The following NEBL variants were observed in gnomAD, a reference collection of about 807,000 sequenced individuals.
NEBL encodes LIM and SH3 protein 2.
NEBL carries 122 observed loss-of-function variants against 140.2 expected under a neutral mutation model. The observed-to-expected ratio is 0.87, with a 90% CI of 0.75 to 1.01. The LOEUF (loss-of-function observed/expected upper bound fraction) is 1.01, where lower values mean the gene tolerates loss of function less well. NEBL is among the 50% of genes least tolerant of loss of function. The probability of loss-of-function intolerance (pLI) is 0.00; values close to 1 mark genes in which losing one functional copy is unlikely to be tolerated. For missense variants in NEBL, 1,365 were observed against 1,231.3 expected (o/e 1.11, Z -1.62); for synonymous variants, 436 against 398.9 (o/e 1.09, Z -1.11).
intron 3 of NEBL, among the ~76,000 whole-genome samples, chr10:21,185,857 G>C (rs1315170055): frequency 6.6e-6 from 1 of 152,010 alleles, no homozygotes; most frequent in Non-Finnish European, 1.5e-5. Context: ...TAAAATTCTA[G>C]TAGTTTATGC....
chr10:20,990,909 T>C (rs1267484797), intron 3 of NEBL, among the ~76,000 whole-genome samples: 1 of 152,170 alleles, frequency 6.6e-6, no homozygotes, highest in Non-Finnish European at 1.5e-5. Flanking sequence ...CTCCACATCC[T>C]GCTTTTCTCC....
chr10:20,976,922 T>TA lies in NEBL; in HGVS notation c.250-15144dup, dbSNP rs373538681. ...TGCATATGTATTCCTGAATCTACAT[T>TA]AAAAAAAAAAAAAAAAAGTGCTTCA... On this transcript the variant is annotated intron_variant, in intron 3 of 6. Coordinates refer to the NEBL transcript ENST00000417816. Among the ~76,000 whole-genome samples the TA allele has an allele frequency of 7.8e-3, 1,007 of 129,764 alleles. 5 individuals carry two copies. The highest frequency in any genetic ancestry group is 0.02 in the Middle Eastern group (5 of 254). The allele number at this position is 129,764 out of a possible 152,430, so 85.1% of individuals were successfully genotyped here.
At chr10:21,079,837 GC>G (rs1836285832) in intron 2 of NEBL, among the ~76,000 whole-genome samples, 2 of 152,112 alleles carry the variant, frequency 1.3e-5, no homozygotes, top group Non-Finnish European at 2.9e-5. Context: ...TTTGTACTCT[GC>G]CCCACCACCC....
chr10:21,043,134 A>G (rs923998573), intron 2 of NEBL, among the ~76,000 whole-genome samples: 3 of 152,210 alleles, frequency 2.0e-5, no homozygotes, highest in Non-Finnish European at 2.9e-5. Context: ...CTCATATAGC[A>G]CATTTTGTAT....
chr10:21,141,342 T>A (rs934533466), intron 2 of NEBL, among the ~76,000 whole-genome samples: 1 of 152,152 alleles, frequency 6.6e-6, no homozygotes, highest in Non-Finnish European at 1.5e-5. Flanking sequence ...ACACAGTGCA[T>A]TATTTAGGGG....
At chr10:20,933,591 G>A (rs573629496) in intron 4 of NEBL, among the ~76,000 whole-genome samples, 8 of 152,186 alleles carry the variant, frequency 5.3e-5, no homozygotes, top group South Asian at 2.1e-4. Context: ...AAAATTAGCC[G>A]GGTGTGGTGG....
intron 2 of NEBL, among the ~76,000 whole-genome samples, chr10:21,104,192 C>T (rs1386368800): frequency 6.6e-6 from 1 of 152,176 alleles, no homozygotes; most frequent in African/African-American, 2.4e-5. Context: ...ACATCACATA[C>T]TATAAGTGTT....
intron 4 of NEBL, among the ~76,000 whole-genome samples, chr10:20,940,966 T>C (rs537476654): frequency 1.3e-4 from 20 of 152,128 alleles, no homozygotes; most frequent in Admixed American, 1.2e-3. Context: ...CCAAAAAAAG[T>C]CCAGGACCAG....
chr10:21,126,449 C>A (rs888796160), intron 2 of NEBL, among the ~76,000 whole-genome samples: 3 of 152,044 alleles, frequency 2.0e-5, no homozygotes, highest in Non-Finnish European at 2.9e-5. Context: ...CATTAGTTCA[C>A]CCAGTGTGTG....
intron 16 of NEBL, among the ~76,000 whole-genome samples, chr10:20,830,909 AT>A (rs1411929632): frequency 1.1e-4 from 12 of 110,076 alleles, no homozygotes; most frequent in Non-Finnish European, 2.1e-4. Context: ...CATCTCTAAA[AT>A]TTAAAAAAAA....
intron 22 of NEBL, 30 bp downstream of exon 22, chr10:20,815,595 T>C: frequency 6.7e-7 from 1 of 1,484,912 alleles, no homozygotes; most frequent in Non-Finnish European, 9.4e-7. Context: ...ACATCCTTTG[T>C]GATAGTCTAA....
intron 9 of NEBL, among the ~76,000 whole-genome samples, chr10:20,856,019 C>T (rs1411145912): frequency 1.3e-5 from 2 of 152,152 alleles, no homozygotes; most frequent in Non-Finnish European, 2.9e-5. Context: ...TTCTAATATA[C>T]AATAAAGTTG....
chr10:20,989,068 C>G (rs990325968), intron 3 of NEBL, among the ~76,000 whole-genome samples: 1 of 152,164 alleles, frequency 6.6e-6, no homozygotes, highest in African/African-American at 2.4e-5. Context: ...ACCATGATTA[C>G]TTTAAGAATT....
intron 3 of NEBL, among the ~76,000 whole-genome samples, chr10:20,984,357 C>G (rs1337552805): frequency 6.6e-6 from 1 of 152,070 alleles, no homozygotes; most frequent in Non-Finnish European, 1.5e-5. Context: ...AGGGACAAAA[C>G]TAAATAATCT....
At chr10:21,202,268 A>G (rs1241726046) in intron 3 of NEBL, among the ~76,000 whole-genome samples, 2 of 152,058 alleles carry the variant, frequency 1.3e-5, no homozygotes, top group Non-Finnish European at 1.5e-5. Flanking sequence ...TTTTTTAAGT[A>G]TTATATATGC....
intron 2 of NEBL, among the ~76,000 whole-genome samples, chr10:21,033,306 G>C (rs555784492): frequency 1.3e-5 from 2 of 152,148 alleles, no homozygotes; most frequent in African/African-American, 4.8e-5. Context: ...GATCACATTC[G>C]ATTCCTTTGA....
chr10:20,813,842 T>C, intron 23 of NEBL, 97 bp downstream of exon 23: 1 of 836,100 alleles, frequency 1.2e-6, no homozygotes, highest in South Asian at 1.4e-5. Context: ...ATTTCCATGC[T>C]TTGTTAGTTA....
chr10:20,905,543 G>T (rs1247096806), intron 4 of NEBL, among the ~76,000 whole-genome samples: 1 of 152,134 alleles, frequency 6.6e-6, no homozygotes, highest in East Asian at 1.9e-4. Flanking sequence ...CTGCCCCCAT[G>T]ATCCAATCAC....
At chr10:20,795,557 G>T (rs1399197988) in intron 26 of NEBL, among the ~76,000 whole-genome samples, 4 of 140,370 alleles carry the variant, frequency 2.8e-5, no homozygotes, top group Non-Finnish European at 4.7e-5. Flanking sequence ...GTGTGCGTGT[G>T]CAATGTGTGT....
Sources: allele counts gnomAD v4.1 joint callset (sites outside exome capture counted in the v4.1 genomes callset), GRCh38; gene constraint gnomAD v4.1.1; transcripts MANE v1.5; gene names NCBI Gene and HGNC (gene_info 2026-07-23, HGNC 2026-07-21).